COL13A1: variants seen among roughly 807,000 people sequenced by gnomAD.
COL13A1 encodes the protein collagen alpha-1(XIII) chain.
COL13A1 carries 89 observed loss-of-function variants against 130.9 expected under a neutral mutation model. The ratio of observed to expected loss-of-function variants is 0.68; its 90% confidence interval spans 0.57 to 0.81. COL13A1 has a LOEUF of 0.81. COL13A1 is among the 30% of genes least tolerant of loss of function. The pLI, the probability that COL13A1 is intolerant of heterozygous loss-of-function variation, is 0.00. For missense variants in COL13A1, 879 were observed against 934.6 expected (o/e 0.94, Z 0.78); for synonymous variants, 402 against 341.6 (o/e 1.18, Z -1.95).
chr10:69,940,471 G>A (rs61856657), intron 34 of COL13A1, among the ~76,000 whole-genome samples: 2,899 of 152,196 alleles, frequency 0.019, 39 homozygotes, highest in Non-Finnish European at 0.032. Flanking sequence ...TTCACAACTG[G>A]GTGCTGTCAC....
At position 69,841,058 on chromosome 10, in the gene COL13A1, T is replaced by G. The variant is rs1222358392; in HGVS notation, c.364+18620T>G. Among the ~76,000 whole-genome samples the G allele has an allele frequency of 2.3e-4, 27 of 115,660 alleles. No individual in the cohort carries two copies. The Middle Eastern group carries it at 0.012, about 53-fold the overall frequency. 75.9% of individuals were successfully genotyped at this position (115,660 alleles called of 152,430 possible). A position where few individuals can be genotyped will look rare whatever the true frequency, so the allele number is the denominator to read the frequency against. ...AGCACACCCCATCGGGCCCCATCCC[T>G]CCCCACTGCCCCCCTGCCCCACTTC... On this transcript the variant is annotated intron_variant, in intron 2 of 40. Coordinates refer to ENST00000645393, the MANE Select transcript of COL13A1 (RefSeq NM_001368882.1).
At chr10:69,818,472 G>A (rs994070489) in intron 1 of COL13A1, among the ~76,000 whole-genome samples, 9 of 152,246 alleles carry the variant, frequency 5.9e-5, no homozygotes, top group African/African-American at 2.2e-4. Context: ...GTTCTCCAGA[G>A]AAACAGAAGC....
rs368897329 is a variant in COL13A1, at chr10:69,941,022, C to T, written c.1913C>T (p.Pro638Leu). The part of the protein sequence containing the change: ...ASGLDGRPGP[P>L]GTPGPIGVPG... Reference sequence around the variant, plus strand: ...GGTTTGGACGGCAGGCCTGGGCCACCGGTGAGTGTCACTTCTCCATCACCC... The same window carrying T: ...GGTTTGGACGGCAGGCCTGGGCCACTGGTGAGTGTCACTTCTCCATCACCC... Residue 638 changes from proline to leucine, a missense_variant and splice_region_variant, in exon 35 of 41, where the codon CCG (proline) becomes CTG (leucine). This residue lies in a region of COL13A1 where 96 missense variants were observed against 147.7 expected (regional missense o/e 0.65). Coordinates refer to ENST00000645393, the MANE Select transcript of COL13A1 (RefSeq NM_001368882.1). 2.4e-5 allele frequency: 38 copies of T among 1,613,818 alleles called. 1 individual carries two copies. Among genetic ancestry groups the T allele is most frequent in the African/African-American group, 8.0e-5 (6 of 74,916 alleles).
intron 2 of COL13A1, among the ~76,000 whole-genome samples, chr10:69,856,737 T>A (rs1856542183): frequency 6.6e-6 from 1 of 152,140 alleles, no homozygotes; most frequent in South Asian, 2.1e-4. Context: ...AACAGATGAT[T>A]TCCTGGGAAG....
At chr10:69,921,779 C>A in intron 21 of COL13A1, 103 bp from the exon 22 acceptor site, 1 of 1,457,540 alleles carries the variant, frequency 6.9e-7, no homozygotes. Context: ...GGCACCGAGG[C>A]AGGAGCAAGG....
chr10:69,876,579 G>A (rs986627520), intron 5 of COL13A1, among the ~76,000 whole-genome samples: 1 of 152,156 alleles, frequency 6.6e-6, no homozygotes, highest in Non-Finnish European at 1.5e-5. Flanking sequence ...TTGCTGCCCG[G>A]CCCTGTCTGT....
intron 35 of COL13A1, among the ~76,000 whole-genome samples, chr10:69,942,200 C>G (rs2067733514): frequency 6.6e-6 from 1 of 152,238 alleles, no homozygotes; most frequent in Non-Finnish European, 1.5e-5. Context: ...AATGCCTATT[C>G]TGTGCCCTCA....
chr10:69,901,293 A>G (rs1398052286), intron 14 of COL13A1, among the ~76,000 whole-genome samples: 1 of 152,194 alleles, frequency 6.6e-6, no homozygotes, highest in Admixed American at 6.5e-5. Flanking sequence ...GTGGCAGGAT[A>G]GGACCCAGGC....
At chr10:69,867,918 C>A in intron 3 of COL13A1, 113 bp downstream of exon 3, 2 of 693,882 alleles carry the variant, frequency 2.9e-6, no homozygotes, top group East Asian at 2.7e-5. Context: ...TGTTGGGGGC[C>A]TATGCAGGCT....
rs773062844 is a variant in COL13A1, at chr10:69,802,680, C to G, written c.257C>G (p.Thr86Arg). Residue 86 changes from threonine (T) to arginine (R), a missense_variant, in exon 1 of 41, where the codon ACG (threonine) becomes AGG (arginine). Thr to Arg is a moderately conservative substitution (Grantham distance 71). Transcript: ENST00000645393. The part of the protein sequence containing the change: ...EAERGEQQME[T>R]AILGRVNQLL... ...GAGCGCGGGGAGCAGCAAATGGAGA[C>G]GGCTATTTTGGGACGAGTCAATCAA... 4 of 1,613,346 alleles carry G rather than the reference C, an allele frequency of 2.5e-6. No individual in the cohort carries two copies. Among genetic ancestry groups the G allele is most frequent in the Non-Finnish European group, 3.4e-6 (4 of 1,179,614 alleles).
At chr10:69,937,986 C>T (rs757621387) in intron 34 of COL13A1, among the ~76,000 whole-genome samples, 1 of 152,218 alleles carries the variant, frequency 6.6e-6, no homozygotes, top group Non-Finnish European at 1.5e-5. Flanking sequence ...AGCTTCAGGC[C>T]CTGCTTGAGC....
chr10:69,844,245 G>T (rs1331523540), intron 2 of COL13A1, among the ~76,000 whole-genome samples: 1 of 152,218 alleles, frequency 6.6e-6, no homozygotes, highest in East Asian at 1.9e-4. Context: ...GCTCAGTGTG[G>T]CTGTCCAGGG....
chr10:69,936,201 C>A (rs948413095), intron 32 of COL13A1, among the ~76,000 whole-genome samples: 1 of 150,634 alleles, frequency 6.6e-6, no homozygotes, highest in Non-Finnish European at 1.5e-5. Flanking sequence ...GAAGGAAGGG[C>A]GAGCCCCAGC....
chr10:69,936,193 A>G lies in COL13A1; in HGVS notation c.1771-563A>G, dbSNP rs934591693. 2.0e-5 allele frequency among the ~76,000 whole-genome samples: 3 copies of G among 148,684 alleles called. 1 individual carries two copies. The highest frequency in any genetic ancestry group is 4.5e-5 in the Non-Finnish European group (3 of 67,118). On this transcript the variant is annotated intron_variant, in intron 32 of 40. Coordinates refer to ENST00000645393, the MANE Select transcript of COL13A1 (RefSeq NM_001368882.1). Reference sequence around the variant, plus strand: ...GGAAGGAAGGAAAGGAAAGGAAGGAAGGAAGGGCGAGCCCCAGCCCCACTG... The same window carrying G: ...GGAAGGAAGGAAAGGAAAGGAAGGAGGGAAGGGCGAGCCCCAGCCCCACTG...
At chr10:69,902,566 C>T (rs551427968) in intron 14 of COL13A1, among the ~76,000 whole-genome samples, 182 bp from the exon 15 acceptor site, 1 of 152,358 alleles carries the variant, frequency 6.6e-6, no homozygotes, top group South Asian at 2.1e-4. Flanking sequence ...CTGCCACCAG[C>T]CCCTGCATGT....
intron 39 of COL13A1, chr10:69,955,978 G>C (rs1319101226): frequency 6.6e-6 from 1 of 152,222 alleles, no homozygotes; most frequent in East Asian, 1.9e-4. Flanking sequence ...CAGGTGATGA[G>C]AGGTTTCAGC....
intron 2 of COL13A1, among the ~76,000 whole-genome samples, chr10:69,851,027 G>A: frequency 6.6e-6 from 1 of 150,428 alleles, no homozygotes; most frequent in East Asian, 1.9e-4. Context: ...GGCACTACAG[G>A]GGCCTTTCTA....
chr10:69,893,312 A>G (rs574737531), intron 10 of COL13A1, among the ~76,000 whole-genome samples: 196 of 152,336 alleles, frequency 1.3e-3, no homozygotes, highest in African/African-American at 4.5e-3. Context: ...AGATCACACC[A>G]CTGTACTCCA....
chr10:69,957,091 A>G, intron 40 of COL13A1, 49 bp downstream of exon 40: 8 of 1,500,794 alleles, frequency 5.3e-6, no homozygotes, highest in Non-Finnish European at 7.4e-6. Flanking sequence ...CAGCAGTGCC[A>G]TAAAGCTTCC....
Sources: gnomAD v4.1 joint callset for allele counts (sites outside exome capture counted in the v4.1 genomes callset) on GRCh38, gnomAD v4.1.1 for gene constraint, gnomAD v4.1.1 regional missense constraint, MANE v1.5 for transcripts, NCBI Gene and HGNC (gene_info 2026-07-23, HGNC 2026-07-21) for gene names.